The following NEURL1B variants were observed in gnomAD, a reference collection of about 807,000 sequenced individuals.
The protein encoded by NEURL1B is E3 ubiquitin-protein ligase NEURL1B.
NEURL1B carries 13 observed loss-of-function variants against 37.4 expected under a neutral mutation model. That is an observed-to-expected ratio of 0.35 (90% CI 0.23 to 0.55). NEURL1B has a LOEUF of 0.55. NEURL1B is among the 20% of genes least tolerant of loss of function. The pLI is 0.89. For synonymous variants in NEURL1B, 432 were observed against 426.6 expected, an observed-to-expected ratio of 1.01 and a Z score of -0.16; for missense variants, 790 against 879.2, an observed-to-expected ratio of 0.90 and a Z score of 1.28.
chr5:172,677,561 C>T (rs779994077), intron 2 of NEURL1B, among the ~76,000 whole-genome samples: 45 of 152,212 alleles, frequency 3.0e-4, no homozygotes, highest in Non-Finnish European at 5.0e-4. Flanking sequence ...TGGAAAAGCA[C>T]GAGGTCAGTG....
chr5:172,677,654 G>A (rs1186037511), intron 2 of NEURL1B, among the ~76,000 whole-genome samples: 1 of 152,146 alleles, frequency 6.6e-6, no homozygotes, highest in African/African-American at 2.4e-5. Context: ...CCTCTCCCTT[G>A]GTGCCCACCC....
chr5:172,689,252 T>TCGTACTTCGGC lies in NEURL1B; in HGVS notation c.*2327_*2328insCGTACTTCGGC. 6.6e-6 allele frequency: 1 copy of TCGTACTTCGGC among 152,338 alleles called. No individual in the cohort carries two copies. Among genetic ancestry groups the TCGTACTTCGGC allele is most frequent in the East Asian group, 1.9e-4 (1 of 5,182 alleles). 9.4% of individuals were successfully genotyped at this position (152,338 alleles called of 1,614,324 possible). On this transcript the variant is annotated 3_prime_UTR_variant, in exon 5 of 5. Transcript: ENST00000369800. ...GCGTTACTCAGTGCTACAGAGGAGA[T>TCGTACTTCGGC]GCACACGTCCCCACTATGTTCTGTC...
intron 1 of NEURL1B, among the ~76,000 whole-genome samples, chr5:172,668,421 T>TC (rs1758054937): frequency 6.6e-6 from 1 of 152,082 alleles, no homozygotes; most frequent in South Asian, 2.1e-4. Flanking sequence ...CGTGATTTCC[T>TC]CCCCCCGTGA....
chr5:172,650,785 C>G (rs908044492), intron 1 of NEURL1B, among the ~76,000 whole-genome samples: 5 of 152,228 alleles, frequency 3.3e-5, no homozygotes, highest in African/African-American at 7.2e-5. Flanking sequence ...GCACGTGACC[C>G]CTGCTGCTGT....
intron 1 of NEURL1B, among the ~76,000 whole-genome samples, chr5:172,644,218 A>G (rs1427003458): frequency 6.6e-6 from 1 of 152,136 alleles, no homozygotes; most frequent in Admixed American, 6.5e-5. Context: ...GATGAATTTA[A>G]TTCTTCTAAC....
At chr5:172,681,012 A>G (rs1174923086) in intron 2 of NEURL1B, among the ~76,000 whole-genome samples, 1 of 152,230 alleles carries the variant, frequency 6.6e-6, no homozygotes, top group African/African-American at 2.4e-5. Context: ...TAGGAAACTT[A>G]CAATCATGGC....
chr5:172,680,096 G>A (rs1055725901), intron 2 of NEURL1B, among the ~76,000 whole-genome samples: 1 of 152,138 alleles, frequency 6.6e-6, no homozygotes, highest in African/African-American at 2.4e-5. Context: ...AGCAGCGCTG[G>A]GCCCACAGTG....
chr5:172,686,917 A>C lies in NEURL1B; in HGVS notation c.1660A>C (p.Arg554=). 6.5e-7 allele frequency: 1 copy of C among 1,547,166 alleles called. No homozygotes were observed. The highest frequency in any genetic ancestry group is 8.7e-7 in the Non-Finnish European group (1 of 1,144,060). ...RPIKDVIKIY[R]P ...CATCAAGGACGTCATTAAGATCTAC[A>C]GGCCATAGCCTAGCCTGCCCACGGG... Residue 554 remains arginine, a synonymous_variant, in exon 5 of 5, where the codon AGG becomes CGG. Coordinates refer to ENST00000369800, the MANE Select transcript of NEURL1B (RefSeq NM_001142651.3). This position sits in a 1 kb window ranked among gnomAD's most constrained non-coding sequence, Gnocchi z 7.9.
chr5:172,679,719 C>T (rs191918059), intron 2 of NEURL1B, among the ~76,000 whole-genome samples: 3 of 152,352 alleles, frequency 2.0e-5, no homozygotes, highest in Admixed American at 2.0e-4. Context: ...GCCTTGTAGA[C>T]ACGCCAAGCT....
In NEURL1B at chr5:172,688,021, A is replaced by G. The variant is rs1758548834; in HGVS notation, c.*1096A>G. The G allele has an allele frequency of 6.5e-6, 1 of 152,702 alleles. No individual in the cohort carries two copies. Among genetic ancestry groups the G allele is most frequent in the Admixed American group, 6.5e-5 (1 of 15,290 alleles). 9.5% of individuals were successfully genotyped at this position (152,702 alleles called of 1,614,324 possible). A position where few individuals can be genotyped will look rare whatever the true frequency, so the allele number is the denominator to read the frequency against. Reference sequence around the variant, plus strand: ...GTTACTAAAGTGTTCACTGATAAGTATGTTAACTAATGATCGAGACAGTAA... The same window carrying G: ...GTTACTAAAGTGTTCACTGATAAGTGTGTTAACTAATGATCGAGACAGTAA... On this transcript the variant is annotated 3_prime_UTR_variant, in exon 5 of 5. Transcript: ENST00000369800. The surrounding 1 kb of genome is among the most constrained non-coding windows in gnomAD (Gnocchi z 4.3).
At chr5:172,656,276 G>A (rs7703578) in intron 1 of NEURL1B, among the ~76,000 whole-genome samples, 21,670 of 152,168 alleles carry the variant, frequency 0.14, 1,995 homozygotes, top group Admixed American at 0.23. Flanking sequence ...AATTAGAGTG[G>A]AGCGGGTGAT....
In NEURL1B at chr5:172,647,305, G is replaced by T. The variant is rs1261877956; in HGVS notation, c.31+5868G>T. 6.6e-6 allele frequency among the ~76,000 whole-genome samples: 1 copy of T among 152,180 alleles called. No homozygotes were observed. Among genetic ancestry groups the T allele is most frequent in the Non-Finnish European group, 1.5e-5 (1 of 68,018 alleles). ...GGTAGCACACGCTCACCTGGGCAGT[G>T]TCGCGGGGTGGTCCGAGCTTCTGCA... is the stretch of plus-strand genomic sequence containing the variant. On this transcript the variant is annotated intron_variant, in intron 1 of 4. Coordinates refer to ENST00000369800, the MANE Select transcript of NEURL1B (RefSeq NM_001142651.3). The surrounding 1 kb of genome is among the most constrained non-coding windows in gnomAD (Gnocchi z 4.2).
chr5:172,683,734 T>C lies in NEURL1B; in HGVS notation c.893T>C (p.Val298Ala). ...PDVSLSADRK[V>A]ACAPRPDGGR... ...GTGAGCCTGTCGGCCGACCGCAAAG[T>C]GGCCTGCGCACCGCGGCCCGACGGC... Residue 298 changes from valine (V) to alanine (A), a missense_variant, in exon 3 of 5, where the codon GTG becomes GCG. Val to Ala is a moderately conservative substitution (Grantham distance 64, BLOSUM62 0). This residue lies in a region of NEURL1B where 460 missense variants were observed against 407.4 expected (regional missense o/e 1.13). Transcript: ENST00000369800. The surrounding 1 kb of genome is among the most constrained non-coding windows in gnomAD (Gnocchi z 5.6). 1.5e-6 allele frequency: 2 copies of C among 1,348,104 alleles called. No homozygotes were observed. The highest frequency in any genetic ancestry group is 9.6e-7 in the Non-Finnish European group (1 of 1,042,064). The allele number at this position is 1,348,104 out of a possible 1,614,324, so 83.5% of individuals were successfully genotyped here. A position where few individuals can be genotyped will look rare whatever the true frequency, so the allele number is the denominator to read the frequency against.
chr5:172,656,155 G>A (rs1047271145), intron 1 of NEURL1B, among the ~76,000 whole-genome samples: 4 of 152,096 alleles, frequency 2.6e-5, no homozygotes, highest in Non-Finnish European at 4.4e-5. Context: ...AGAGAATGAC[G>A]GGGTGAGTGC....
intron 1 of NEURL1B, 46 bp from the exon 2 acceptor site, chr5:172,669,739 A>G: frequency 8.3e-7 from 1 of 1,211,296 alleles, no homozygotes; most frequent in Non-Finnish European, 1.0e-6. Context: ...CGGGGCCCGC[A>G]GGAGTTCGGA....
In NEURL1B at chr5:172,686,622, C is replaced by A; in HGVS notation, c.1424-59C>A. On this transcript the variant is annotated intron_variant, in intron 4 of 4. Coordinates refer to ENST00000369800, the MANE Select transcript of NEURL1B (RefSeq NM_001142651.3). This position sits in a 1 kb window ranked among gnomAD's most constrained non-coding sequence, Gnocchi z 7.9. ...AAGCCCTGCATTCTCGGGGTTGCCC[C>A]AACAGAGCCCACCTGAGAGAGACAT... 6.6e-7 allele frequency: 1 copy of A among 1,514,908 alleles called. No homozygotes were observed. Among genetic ancestry groups the A allele is most frequent in the South Asian group, 1.2e-5 (1 of 80,464 alleles). 93.8% of individuals were successfully genotyped at this position (1,514,908 alleles called of 1,614,324 possible). A position where few individuals can be genotyped will look rare whatever the true frequency, so the allele number is the denominator to read the frequency against.
chr5:172,677,820 C>T (rs571953951), intron 2 of NEURL1B, among the ~76,000 whole-genome samples: 6 of 152,240 alleles, frequency 3.9e-5, no homozygotes, highest in African/African-American at 1.4e-4. Flanking sequence ...TCCGTCTTTT[C>T]AAAACACCCT....
At position 172,670,138 on chromosome 5, in the gene NEURL1B, T is replaced by G; in HGVS notation, c.385T>G (p.Trp129Gly). Residue 129 changes from tryptophan to glycine, a missense_variant, in exon 2 of 5, where the codon TGG becomes GGG. Physicochemically the swap from Trp to Gly is radical, Grantham distance 184. Around this residue, in one of 3 missense-constraint regions of NEURL1B, gnomAD observed 215 missense variants for 309.2 expected, o/e 0.70. Coordinates refer to ENST00000369800, the MANE Select transcript of NEURL1B (RefSeq NM_001142651.3). Reference sequence around the variant, plus strand: ...GGACCTGGTCACGCGGCCGGGCTACTGGGCCAAGGCACTGCCCGAGAACCT... The same window carrying G: ...GGACCTGGTCACGCGGCCGGGCTACGGGGCCAAGGCACTGCCCGAGAACCT... ...CPDLVTRPGYWAKALPENLAL... is the reference protein window; with the variant it reads ...CPDLVTRPGYGAKALPENLAL... The G allele has an allele frequency of 6.6e-7, 1 of 1,513,006 alleles. No individual in the cohort carries two copies. The highest frequency in any genetic ancestry group is 8.8e-7 in the Non-Finnish European group (1 of 1,137,174). 93.7% of individuals were successfully genotyped at this position (1,513,006 alleles called of 1,614,324 possible).
chr5:172,644,091 T>G (rs191272863), intron 1 of NEURL1B, among the ~76,000 whole-genome samples: 57 of 152,298 alleles, frequency 3.7e-4, no homozygotes, highest in Non-Finnish European at 6.6e-4. Flanking sequence ...AGCAGTTTCT[T>G]GTCTGTCTCC....
Sources: allele counts gnomAD v4.1 joint callset (sites outside exome capture counted in the v4.1 genomes callset), GRCh38; gene constraint gnomAD v4.1.1; regional missense constraint gnomAD v4.1.1; non-coding constraint Gnocchi (gnomAD v3.1); transcripts MANE v1.5; gene names NCBI Gene and HGNC (gene_info 2026-07-23, HGNC 2026-07-21).